Variants in NMRK1 observed in about 807,000 individuals in gnomAD.
NMRK1 encodes the protein NRK 1.
In NMRK1, 28 loss-of-function variants were observed where a neutral mutation model predicts 29.9. The observed-to-expected ratio is 0.94, with a 90% confidence interval of 0.69 to 1.28. The LOEUF is 1.28. NMRK1 is among the 50% of genes most tolerant of loss of function. The pLI, the probability that NMRK1 is intolerant of heterozygous loss-of-function variation, is 0.00. For missense variants in NMRK1, 218 were observed against 233.1 expected (o/e 0.94, Z 0.42); for synonymous variants, 58 against 73.0 (o/e 0.79, Z 1.05).
At position 75,069,768 on chromosome 9, in the gene NMRK1, T is replaced by G; in HGVS notation, c.363A>C (p.Pro121=). The G allele has an allele frequency of 6.2e-7, 1 of 1,612,386 alleles. No homozygotes were observed. Among genetic ancestry groups the G allele is most frequent in the South Asian group, 1.1e-5 (1 of 90,700 alleles). Residue 121 remains proline, a synonymous_variant, in exon 6 of 9, where the codon CCA becomes CCC. Coordinates refer to ENST00000361092, the MANE Select transcript of NMRK1 (RefSeq NM_017881.3). ...IWNRSYFLTI[P]YEECKRRRST... ...TCCTCCTCCTTTTACATTCTTCATA[T>G]GGAATAGTCAGGAAATAGCTTCTAT... is the stretch of plus-strand genomic sequence containing the variant.
chr9:75,072,480 G>A (rs1262450110), intron 4 of NMRK1, among the ~76,000 whole-genome samples: 1 of 152,164 alleles, frequency 6.6e-6, no homozygotes, highest in Non-Finnish European at 1.5e-5. Context: ...GAATAGATAA[G>A]TGTTTTGCTT....
chr9:75,076,732 G>C (rs1356226754), intron 4 of NMRK1, among the ~76,000 whole-genome samples: 1 of 152,128 alleles, frequency 6.6e-6, no homozygotes, highest in East Asian at 1.9e-4. Flanking sequence ...TGTGACTACA[G>C]GCATGCACCA....
chr9:75,075,731 CAG>C (rs1379852675), intron 4 of NMRK1, among the ~76,000 whole-genome samples: 3 of 152,044 alleles, frequency 2.0e-5, no homozygotes, highest in Non-Finnish European at 4.4e-5. Flanking sequence ...CCTTTCTGAA[CAG>C]AGAAAAAAAC....
intron 4 of NMRK1, among the ~76,000 whole-genome samples, chr9:75,070,571 C>T (rs7850769): frequency 0.13 from 19,940 of 152,144 alleles, 1,342 homozygotes; most frequent in South Asian, 0.18. Context: ...AATGTACATA[C>T]TTCTCGAGTT....
chr9:75,069,978 T>A lies in NMRK1; in HGVS notation c.234A>T (p.Arg78Ser). The change falls in exon 5 of 9, where the codon AGA (arginine) becomes AGT (serine). Residue 78 changes from arginine (R) to serine (S), a missense_variant. Arg to Ser is a moderately radical substitution (Grantham distance 110, BLOSUM62 -1). Transcript: ENST00000361092. ...SAISCWMESA[R>S]HSVVSTDQES... ...CCTGGTCTGTTGATACCACAGAGTG[T>A]CTTGCGCTTTCCATCCAGCAGGAAA... is the stretch of plus-strand genomic sequence containing the variant. 1 of 1,613,902 alleles carries A rather than the reference T, an allele frequency of 6.2e-7. No homozygotes were observed.
chr9:75,068,903 T>A, intron 7 of NMRK1, 93 bp downstream of exon 7: 1 of 768,156 alleles, frequency 1.3e-6, no homozygotes, highest in Non-Finnish European at 2.2e-6. Context: ...TGCTTAAGCA[T>A]CCCTTTATAC....
intron 2 of NMRK1, among the ~76,000 whole-genome samples, chr9:75,079,352 T>C (rs1237206974): frequency 1.3e-5 from 2 of 152,212 alleles, no homozygotes; most frequent in Non-Finnish European, 2.9e-5. Flanking sequence ...CCATACCAAA[T>C]GTCCATAGTT....
chr9:75,085,668 G>T (rs1824573858), intron 1 of NMRK1, among the ~76,000 whole-genome samples: 1 of 150,464 alleles, frequency 6.6e-6, no homozygotes, highest in Admixed American at 6.6e-5. Flanking sequence ...TCAGGAACCA[G>T]GAGTAAGATG....
chr9:75,072,304 T>A (rs1265613314), intron 4 of NMRK1, among the ~76,000 whole-genome samples: 1 of 152,234 alleles, frequency 6.6e-6, no homozygotes, highest in Non-Finnish European at 1.5e-5. Context: ...TTTGTCTGTT[T>A]GTTGCATTAC....
At chr9:75,063,232 G>C (rs1823133084) in intron 8 of NMRK1, among the ~76,000 whole-genome samples, 2 of 148,622 alleles carry the variant, frequency 1.3e-5, no homozygotes, top group South Asian at 4.3e-4. Flanking sequence ...TGTGAACCCA[G>C]GAGGCGGAGC....
rs1823319921 is a variant in NMRK1 at position 75,066,062 on chromosome 9, C to T, written c.580+695G>A. Among the ~76,000 whole-genome samples, 5 of 152,250 alleles carry T rather than the reference C, an allele frequency of 3.3e-5. No individual in the cohort carries two copies. The South Asian group carries it at 8.3e-4, about 25-fold the overall frequency. ...TGAGGACCTTATTTGAGTTCCTTAACCCATTAATGTTGGAGGTTGCAAATT... is the reference window on the plus strand; with the variant it reads ...TGAGGACCTTATTTGAGTTCCTTAATCCATTAATGTTGGAGGTTGCAAATT... On this transcript the variant is annotated intron_variant, in intron 8 of 8. Coordinates refer to ENST00000361092, the MANE Select transcript of NMRK1 (RefSeq NM_017881.3).
At chr9:75,066,631 A>C in intron 8 of NMRK1, 126 bp downstream of exon 8, 1 of 720,500 alleles carries the variant, frequency 1.4e-6, no homozygotes, top group Non-Finnish European at 2.5e-6. Context: ...ATTATCCTCA[A>C]AGCAAAGAAT....
intron 2 of NMRK1, chr9:75,078,453 G>A: frequency 1.3e-6 from 2 of 1,513,044 alleles, no homozygotes; most frequent in South Asian, 2.5e-5. Flanking sequence ...GGACTGTGAA[G>A]TCCAGGAGAA....
intron 7 of NMRK1, among the ~76,000 whole-genome samples, chr9:75,068,508 G>A (rs1011248111): frequency 1.3e-5 from 2 of 152,004 alleles, no homozygotes; most frequent in Non-Finnish European, 2.9e-5. Context: ...CACTTTCTGG[G>A]GTAATCTTCT....
chr9:75,061,562 G>A lies in NMRK1; in HGVS notation c.586C>T (p.Gln196Ter). Residue 196 changes from glutamine to a stop codon, truncating the protein, a stop_gained, in exon 9 of 9, where the codon CAA (glutamine) becomes TAA (stop). Transcript: ENST00000361092. LOFTEE classifies it high-confidence loss of function. ...IQELAKQKCL[Q>*]VTA The stretch of plus-strand genomic sequence containing the variant: ...GTGTTCCGTCTTTATGCTGTCACTT[G>A]CAAACCTTGGGAATAAACATAAAAA... The A allele has an allele frequency of 1.2e-6, 2 of 1,608,730 alleles. No homozygotes were observed. The highest frequency in any genetic ancestry group is 1.7e-6 in the Non-Finnish European group (2 of 1,176,064).
chr9:75,069,160 A>G (rs1823546710), intron 6 of NMRK1, 58 bp from the exon 7 acceptor site: 1 of 1,197,160 alleles, frequency 8.4e-7, no homozygotes. Context: ...ATAAAGTAAA[A>G]TATGAATGGT....
At chr9:75,086,877 C>T (rs1824673435) in intron 1 of NMRK1, among the ~76,000 whole-genome samples, 1 of 150,900 alleles carries the variant, frequency 6.6e-6, no homozygotes, top group African/African-American at 2.4e-5. Flanking sequence ...AAACTTTGCT[C>T]CCTTTTGGTA....
intron 2 of NMRK1, 109 bp from the exon 3 acceptor site, chr9:75,077,689 G>T (rs1445070314): frequency 1.4e-6 from 1 of 730,710 alleles, no homozygotes; most frequent in Non-Finnish European, 2.3e-6. Context: ...AGGCTGGAGT[G>T]CAGTGGTGCA....
chr9:75,078,169 T>C (rs527836754), intron 2 of NMRK1, among the ~76,000 whole-genome samples: 1 of 152,304 alleles, frequency 6.6e-6, no homozygotes, highest in African/African-American at 2.4e-5. Flanking sequence ...AAAATTTTTT[T>C]TGCCTATGTC....
Sources: allele counts gnomAD v4.1 joint callset (sites outside exome capture counted in the v4.1 genomes callset), GRCh38; gene constraint gnomAD v4.1.1; transcripts MANE v1.5; gene names NCBI Gene and HGNC (gene_info 2026-07-23, HGNC 2026-07-21).